Variants in GNAQ observed in about 807,000 individuals in gnomAD.
GNAQ encodes the protein guanine nucleotide-binding protein G(q) subunit alpha.
In GNAQ, 8 loss-of-function variants were observed where a neutral mutation model predicts 43.9. That is an observed-to-expected ratio of 0.18 (90% CI 0.11 to 0.33). The LOEUF (loss-of-function observed/expected upper bound fraction) is 0.33, where lower values mean the gene tolerates loss of function less well. GNAQ is among the 10% of genes least tolerant of loss of function. GNAQ has a pLI of 1.00. For missense variants in GNAQ, 158 were observed against 450.8 expected (o/e 0.35, Z 5.88); for synonymous variants, 155 against 170.7 (o/e 0.91, Z 0.71).
chr9:77,860,471 C>G (rs960260590), intron 2 of GNAQ, among the ~76,000 whole-genome samples: 1 of 152,098 alleles, frequency 6.6e-6, no homozygotes, highest in South Asian at 2.1e-4. Context: ...GTAGGTGAGG[C>G]GGCGGGGGGA....
At chr9:77,936,548 A>T (rs1829234718) in intron 1 of GNAQ, among the ~76,000 whole-genome samples, 1 of 152,262 alleles carries the variant, frequency 6.6e-6, no homozygotes, top group Non-Finnish European at 1.5e-5. Context: ...ACAGTGCCTC[A>T]CATAGACTGT....
At chr9:77,769,401 TAAAA>T (rs1272398551) in intron 5 of GNAQ, among the ~76,000 whole-genome samples, 1 of 136,282 alleles carries the variant, frequency 7.3e-6, no homozygotes, top group African/African-American at 2.7e-5. Flanking sequence ...AAGACTACCT[TAAAA>T]AAAAAAAAAA....
intron 1 of GNAQ, among the ~76,000 whole-genome samples, chr9:77,975,685 GCA>G (rs910143458): frequency 1.3e-5 from 2 of 151,728 alleles, no homozygotes; most frequent in Non-Finnish European, 2.9e-5. Context: ...GATTACACGC[GCA>G]CACCACCATG....
chr9:77,987,047 G>A (rs1823447642), intron 1 of GNAQ, among the ~76,000 whole-genome samples: 1 of 152,024 alleles, frequency 6.6e-6, no homozygotes, highest in Non-Finnish European at 1.5e-5. Context: ...GTGCAAACTG[G>A]TTACTACCCT....
intron 2 of GNAQ, among the ~76,000 whole-genome samples, chr9:77,834,262 C>T (rs1259906898): frequency 6.6e-6 from 1 of 152,172 alleles, no homozygotes; most frequent in Non-Finnish European, 1.5e-5. Context: ...CATCTTTGTT[C>T]TCTTGTAGTT....
At chr9:77,988,118 A>G (rs533610935) in intron 1 of GNAQ, among the ~76,000 whole-genome samples, 9 of 152,362 alleles carry the variant, frequency 5.9e-5, no homozygotes, top group Admixed American at 5.9e-4. Flanking sequence ...ATGAGGACAG[A>G]GCAGAGAGTG....
chr9:77,728,813 T>C, intron 5 of GNAQ, 146 bp from the exon 6 acceptor site: 2 of 605,946 alleles, frequency 3.3e-6, no homozygotes, highest in South Asian at 2.0e-5. Flanking sequence ...AGGATTTATA[T>C]GCAAATGATT....
chr9:78,031,461 A>C lies in GNAQ; in HGVS notation c.-226T>G, dbSNP rs1299231891. ...GGAGCGGATAGTCTGGGCCGACGGG[A>C]GAAGAGAGGCGGGCGCGGGAGGCGG... On this transcript the variant is annotated 5_prime_UTR_variant, in exon 1 of 7. Transcript: ENST00000286548. 1.6e-5 allele frequency: 3 copies of C among 191,474 alleles called. No individual in the cohort carries two copies. Among genetic ancestry groups the C allele is most frequent in the Non-Finnish European group, 3.2e-5 (3 of 94,068 alleles). The allele number at this position is 191,474 out of a possible 1,614,324, so 11.9% of individuals were successfully genotyped here. A position where few individuals can be genotyped will look rare whatever the true frequency, so the allele number is the denominator to read the frequency against.
intron 1 of GNAQ, among the ~76,000 whole-genome samples, chr9:77,973,782 C>T (rs1211638402): frequency 6.6e-6 from 1 of 152,118 alleles, no homozygotes; most frequent in African/African-American, 2.4e-5. Context: ...TGTGCCACTG[C>T]ACTCCAGCCT....
At chr9:77,874,206 T>C (rs1030938372) in intron 2 of GNAQ, among the ~76,000 whole-genome samples, 1 of 152,090 alleles carries the variant, frequency 6.6e-6, no homozygotes, top group African/African-American at 2.4e-5. Context: ...AGAACACAGG[T>C]AGTCTGTGAC....
At chr9:77,897,952 A>AAC (rs533694677) in intron 2 of GNAQ, among the ~76,000 whole-genome samples, 6,056 of 151,600 alleles carry the variant, frequency 0.04, 179 homozygotes, top group Non-Finnish European at 0.054. Context: ...GAAAAAAAAA[A>AAC]AAAAAAAAGC....
intron 5 of GNAQ, among the ~76,000 whole-genome samples, chr9:77,759,894 T>TTC (rs1554713695): frequency 6.8e-6 from 1 of 147,120 alleles, no homozygotes; most frequent in African/African-American, 2.5e-5. Context: ...CTCTCTCTTT[T>TTC]TTTCTTTCTT....
chr9:77,921,819 T>C (rs1393419943), intron 2 of GNAQ, among the ~76,000 whole-genome samples: 1 of 152,186 alleles, frequency 6.6e-6, no homozygotes, highest in Admixed American at 6.5e-5. Context: ...ATCCCCTATT[T>C]TGGCCAATTT....
chr9:77,913,427 A>C (rs1400148601), intron 2 of GNAQ, among the ~76,000 whole-genome samples: 19 of 152,084 alleles, frequency 1.2e-4, no homozygotes, highest in Admixed American at 1.2e-3. Flanking sequence ...TGAAAGTAAA[A>C]ATTGAGTTCC....
chr9:77,806,521 C>A (rs1340478375), intron 3 of GNAQ, among the ~76,000 whole-genome samples: 2 of 152,150 alleles, frequency 1.3e-5, no homozygotes, highest in African/African-American at 4.8e-5. Context: ...AATTAAGAAA[C>A]AATTAAGTGC....
At chr9:77,753,107 G>C (rs199919617) in intron 5 of GNAQ, among the ~76,000 whole-genome samples, 1 of 134,812 alleles carries the variant, frequency 7.4e-6, no homozygotes, top group Non-Finnish European at 1.6e-5. Context: ...AAAAAAAAAA[G>C]AAAAAGGAAA....
intron 5 of GNAQ, among the ~76,000 whole-genome samples, chr9:77,782,624 T>G (rs532949581): frequency 6.6e-6 from 1 of 152,318 alleles, no homozygotes; most frequent in African/African-American, 2.4e-5. Flanking sequence ...TCTTACCATA[T>G]AATCCAGCAA....
intron 5 of GNAQ, among the ~76,000 whole-genome samples, chr9:77,746,950 GT>G (rs1405076330): frequency 1.3e-5 from 2 of 152,126 alleles, no homozygotes; most frequent in Non-Finnish European, 2.9e-5. Context: ...GTCTTTTTTA[GT>G]TGTTTGGCTT....
At chr9:77,782,077 T>C (rs913787480) in intron 5 of GNAQ, among the ~76,000 whole-genome samples, 4 of 152,114 alleles carry the variant, frequency 2.6e-5, no homozygotes, top group African/African-American at 9.7e-5. Context: ...AAACTGTCTC[T>C]GTTCTCATCT....
Sources: allele counts gnomAD v4.1 joint callset (sites outside exome capture counted in the v4.1 genomes callset), GRCh38; gene constraint gnomAD v4.1.1; transcripts MANE v1.5; gene names NCBI Gene and HGNC (gene_info 2026-07-23, HGNC 2026-07-21).